The following CLVS1 variants were observed in gnomAD, a reference collection of about 807,000 sequenced individuals.
CLVS1 encodes the protein clavesin-1.
In CLVS1, 10 loss-of-function variants were observed where a neutral mutation model predicts 33.1. The observed-to-expected ratio is 0.30, with a 90% confidence interval of 0.19 to 0.51. The LOEUF is 0.51. Ranked by LOEUF, CLVS1 falls within the 20% of genes least tolerant of loss-of-function variation. CLVS1 has a pLI of 0.97. For synonymous variants in CLVS1, 163 were observed against 166.1 expected, an observed-to-expected ratio of 0.98 and a Z score of 0.14; for missense variants, 343 against 433.4, an observed-to-expected ratio of 0.79 and a Z score of 1.85.
intron 2 of CLVS1, among the ~76,000 whole-genome samples, chr8:61,185,564 A>G (rs1002060949): frequency 3.3e-5 from 5 of 152,152 alleles, no homozygotes; most frequent in Non-Finnish European, 5.9e-5. Flanking sequence ...TCACATTTCC[A>G]CATTGTACTG....
intron 2 of CLVS1, among the ~76,000 whole-genome samples, chr8:61,149,581 CA>C (rs1806488022): frequency 8.4e-6 from 1 of 118,428 alleles, no homozygotes; most frequent in Non-Finnish European, 1.8e-5. Context: ...AAAAACAAAA[CA>C]AAAAGAAAAA....
At chr8:61,195,977 A>C (rs1230253608) in intron 2 of CLVS1, among the ~76,000 whole-genome samples, 1 of 152,194 alleles carries the variant, frequency 6.6e-6, no homozygotes, top group Non-Finnish European at 1.5e-5. Flanking sequence ...GAAAAACTAC[A>C]TATGAGCTTT....
chr8:61,031,900 A>G, the CLVS1 span, among the ~76,000 whole-genome samples: 1 of 152,180 alleles, frequency 6.6e-6, no homozygotes, highest in African/African-American at 2.4e-5. Context: ...CAACATTAAG[A>G]TTTTACAATA....
intron 3 of CLVS1, among the ~76,000 whole-genome samples, chr8:61,439,033 G>A (rs1263394798): frequency 2.6e-5 from 4 of 152,146 alleles, no homozygotes; most frequent in Non-Finnish European, 4.4e-5. Context: ...AAAGATATTT[G>A]TGTGATTCAA....
Position 61,488,745 on chromosome 8 carries a change from T to A in CLVS1, c.978-10710T>A, listed in dbSNP as rs565663720. ...AAAAACTGAGATGAGTTAGCTAATA[T>A]GGCAGGAATGCATAGTTTCATAAAG... On this transcript the variant is annotated intron_variant, in intron 5 of 5. Coordinates refer to ENST00000325897, the MANE Select transcript of CLVS1 (RefSeq NM_173519.3). 8.5e-4 allele frequency among the ~76,000 whole-genome samples: 129 copies of A among 152,230 alleles called. 2 individuals carry two copies. Among genetic ancestry groups the A allele is most frequent in the Non-Finnish European group, 1.1e-3 (74 of 68,032 alleles).
chr8:61,071,648 G>T (rs1289051997), intron 1 of CLVS1, among the ~76,000 whole-genome samples: 5 of 152,138 alleles, frequency 3.3e-5, no homozygotes, highest in African/African-American at 7.2e-5. Flanking sequence ...CTTTGGTTGT[G>T]GGGGGACATT....
At chr8:61,484,964 A>G (rs1199890030) in intron 5 of CLVS1, among the ~76,000 whole-genome samples, 1 of 152,198 alleles carries the variant, frequency 6.6e-6, no homozygotes, top group Non-Finnish European at 1.5e-5. Flanking sequence ...TAAAGACTTA[A>G]ATGGTAGACC....
intron 2 of CLVS1, among the ~76,000 whole-genome samples, chr8:61,206,734 G>A (rs577757920): frequency 6.6e-6 from 1 of 151,720 alleles, no homozygotes; most frequent in Non-Finnish European, 1.5e-5. Flanking sequence ...GACTACAGGC[G>A]CCTGCCACCA....
chr8:61,452,602 T>A (rs1397076145), intron 3 of CLVS1, among the ~76,000 whole-genome samples: 1 of 152,224 alleles, frequency 6.6e-6, no homozygotes, highest in African/African-American at 2.4e-5. Context: ...GGAAAAAAGA[T>A]AACCTTATTA....
intron 3 of CLVS1, among the ~76,000 whole-genome samples, chr8:61,429,921 A>G (rs546366223): frequency 6.6e-6 from 1 of 152,334 alleles, no homozygotes; most frequent in South Asian, 2.1e-4. Context: ...TTTGGCCCTT[A>G]AATTCCCAAA....
the CLVS1 span, among the ~76,000 whole-genome samples, chr8:60,991,267 G>A: frequency 1.3e-5 from 2 of 152,092 alleles, no homozygotes; most frequent in East Asian, 3.8e-4. Flanking sequence ...TATAGGTAAA[G>A]AGGAAAAAAA....
At chr8:61,406,331 A>G (rs1262122715) in intron 3 of CLVS1, among the ~76,000 whole-genome samples, 1 of 152,238 alleles carries the variant, frequency 6.6e-6, no homozygotes, top group African/African-American at 2.4e-5. Flanking sequence ...GTGAATTTAG[A>G]GAAGAAAAGA....
chr8:61,220,591 G>A (rs534043977), intron 2 of CLVS1, among the ~76,000 whole-genome samples: 46 of 151,726 alleles, frequency 3.0e-4, no homozygotes, highest in African/African-American at 9.2e-4. Flanking sequence ...GTCAGGTAGC[G>A]TGATGCCTTC....
At chr8:61,194,199 A>G (rs1807554239) in intron 2 of CLVS1, among the ~76,000 whole-genome samples, 1 of 152,100 alleles carries the variant, frequency 6.6e-6, no homozygotes, top group African/African-American at 2.4e-5. Context: ...CATTTATCCT[A>G]ATGTACCAGT....
intron 5 of CLVS1, among the ~76,000 whole-genome samples, chr8:61,474,960 C>A (rs1303573975): frequency 1.3e-5 from 2 of 152,192 alleles, no homozygotes; most frequent in South Asian, 2.1e-4. Flanking sequence ...CCTCACCCCA[C>A]AACAGGCCCC....
intron 5 of CLVS1, 125 bp downstream of exon 5, chr8:61,458,667 A>G: frequency 1.5e-6 from 1 of 657,650 alleles, no homozygotes; most frequent in Non-Finnish European, 2.6e-6. Flanking sequence ...ATAAATTGCA[A>G]TGCATTCTCA....
chr8:61,050,055 A>G, the CLVS1 span, among the ~76,000 whole-genome samples: 1 of 152,254 alleles, frequency 6.6e-6, no homozygotes, highest in Non-Finnish European at 1.5e-5. Context: ...CTGGACTTAC[A>G]GCAGGTGCTG....
intron 2 of CLVS1, among the ~76,000 whole-genome samples, chr8:61,375,541 G>A (rs116040455): frequency 2.0e-5 from 3 of 152,062 alleles, no homozygotes; most frequent in Admixed American, 6.6e-5. Flanking sequence ...TTTAGCCACC[G>A]CCTGGCCCTG....
At chr8:61,073,464 G>A (rs1245901416) in intron 1 of CLVS1, among the ~76,000 whole-genome samples, 3 of 152,190 alleles carry the variant, frequency 2.0e-5, no homozygotes, top group Non-Finnish European at 4.4e-5. Context: ...AGCCACAAAT[G>A]AGACTTGTCT....
Sources: allele counts gnomAD v4.1 joint callset (sites outside exome capture counted in the v4.1 genomes callset), GRCh38; gene constraint gnomAD v4.1.1; transcripts MANE v1.5; gene names NCBI Gene and HGNC (gene_info 2026-07-23, HGNC 2026-07-21).